The following KIR3DL2 variants were observed in gnomAD, a reference collection of about 807,000 sequenced individuals.
KIR3DL2 encodes killer cell immunoglobulin like receptor, three Ig domains and long cytoplasmic tail 2, also known as killer cell immunoglobulin-like receptor 3DL2.
Under a neutral mutation model 41.6 loss-of-function variants are expected in KIR3DL2, and 42 were observed. The ratio of observed to expected loss-of-function variants is 1.01; its 90% confidence interval spans 0.79 to 1.31. The LOEUF is 1.31. KIR3DL2 is among the 50% of genes most tolerant of loss of function. The probability of loss-of-function intolerance (pLI) is 0.00; values close to 1 mark genes in which losing one functional copy is unlikely to be tolerated. For missense variants in KIR3DL2, 728 were observed against 576.8 expected (o/e 1.26, Z -2.68); for synonymous variants, 230 against 221.3 (o/e 1.04, Z -0.35).
chr19:54,859,268 C>A lies in KIR3DL2; in HGVS notation c.1000+139C>A. 5 of 913,428 alleles carry A rather than the reference C, an allele frequency of 5.5e-6. No individual in the cohort carries two copies. The East Asian group carries it at 1.2e-4, about 22-fold the overall frequency. 56.6% of individuals were successfully genotyped at this position (913,428 alleles called of 1,614,324 possible). A position where few individuals can be genotyped will look rare whatever the true frequency, so the allele number is the denominator to read the frequency against. On this transcript the variant is annotated intron_variant, in intron 6 of 8. Coordinates refer to ENST00000326321, the MANE Select transcript of KIR3DL2 (RefSeq NM_006737.4). The stretch of plus-strand genomic sequence containing the variant: ...CATCTCTGAACTCCAGACACTCCAA[C>A]AGTGAAAGGGATCTAGGGCCACCAA...
At chr19:54,855,373 G>A (rs1302136625) in intron 4 of KIR3DL2, among the ~76,000 whole-genome samples, 3 of 151,668 alleles carry the variant, frequency 2.0e-5, no homozygotes, top group Non-Finnish European at 2.9e-5. Context: ...CCAATCCAAG[G>A]AGAGTCAGAG....
At chr19:54,865,637 T>C (rs1385360457) in intron 6 of KIR3DL2, among the ~76,000 whole-genome samples, 168 bp from the exon 7 acceptor site, 3 of 152,034 alleles carry the variant, frequency 2.0e-5, no homozygotes, top group Non-Finnish European at 4.4e-5. Context: ...TTCTATGGTT[T>C]CTATGAGAGC....
Position 54,865,944 on chromosome 19 carries a change from G to C in KIR3DL2, c.1105+35G>C. The C allele has an allele frequency of 1.9e-6, 3 of 1,572,674 alleles. No homozygotes were observed. The South Asian group carries it at 3.3e-5, about 17-fold the overall frequency. ...ACGAAGCAGAGGCCAGAGAGCTCAG[G>C]GCCATGTGGGGAAGCAGGATGGGAG... is the stretch of plus-strand genomic sequence containing the variant. On this transcript the variant is annotated intron_variant, in intron 7 of 8. Transcript: ENST00000326321.
At chr19:54,850,567 G>C in intron 1 of KIR3DL2, 58 bp downstream of exon 1, 1 of 1,594,228 alleles carries the variant, frequency 6.3e-7, no homozygotes, top group Non-Finnish European at 8.5e-7. Flanking sequence ...TCGGCCTAGA[G>C]GTAAAGATAT....
chr19:54,859,278 G>C lies in KIR3DL2; in HGVS notation c.1000+149G>C, dbSNP rs2065008787. ...CTCCAGACACTCCAACAGTGAAAGG[G>C]ATCTAGGGCCACCAAAGGGCTCAGC... is the stretch of plus-strand genomic sequence containing the variant. On this transcript the variant is annotated intron_variant, in intron 6 of 8. Coordinates refer to ENST00000326321, the MANE Select transcript of KIR3DL2 (RefSeq NM_006737.4). 1.8e-5 allele frequency: 16 copies of C among 868,266 alleles called. No individual in the cohort carries two copies. In the Admixed American group the frequency reaches 3.1e-4, roughly 17 times the overall value. 53.8% of individuals were successfully genotyped at this position (868,266 alleles called of 1,614,324 possible).
intron 5 of KIR3DL2, among the ~76,000 whole-genome samples, chr19:54,858,573 A>G (rs1336777629): frequency 2.6e-5 from 4 of 151,404 alleles, no homozygotes; most frequent in Non-Finnish European, 5.9e-5. Context: ...TACTAAAAAT[A>G]CAAAAATTAG....
chr19:54,866,751 C>T lies in KIR3DL2; in HGVS notation c.*20C>T. The T allele has an allele frequency of 6.2e-7, 1 of 1,611,730 alleles. No individual in the cohort carries two copies. Among genetic ancestry groups the T allele is most frequent in the Non-Finnish European group, 8.5e-7 (1 of 1,178,782 alleles). On this transcript the variant is annotated 3_prime_UTR_variant, in exon 9 of 9. Transcript: ENST00000326321. ...TTCTAGGGAGACAACAGCCCTGTCTCAAAACCAGGTTGCCAGATCCAATGA... is the reference window on the plus strand; with the variant it reads ...TTCTAGGGAGACAACAGCCCTGTCTTAAAACCAGGTTGCCAGATCCAATGA...
chr19:54,866,922 G>C lies in KIR3DL2; in HGVS notation c.*191G>C, dbSNP rs1332732123. 6 of 672,770 alleles carry C rather than the reference G, an allele frequency of 8.9e-6. No individual in the cohort carries two copies. In the East Asian group the frequency reaches 1.4e-4, roughly 16 times the overall value. 41.7% of individuals were successfully genotyped at this position (672,770 alleles called of 1,614,324 possible). The stretch of plus-strand genomic sequence containing the variant: ...CAGAGAAAACACACTCCTTTGCTTA[G>C]CCCACAAGTATCTATTTCACTTGAC... On this transcript the variant is annotated 3_prime_UTR_variant, in exon 9 of 9. Transcript: ENST00000326321.
chr19:54,856,278 C>T (rs1171289970), intron 5 of KIR3DL2, among the ~76,000 whole-genome samples: 4 of 151,716 alleles, frequency 2.6e-5, no homozygotes, highest in Admixed American at 2.6e-4. Flanking sequence ...TCATCACCAG[C>T]AACCCCTACA....
Position 54,865,786 on chromosome 19 carries a change from G to T in KIR3DL2, c.1001-19G>T, listed in dbSNP as rs2065462363. ...AACTGCTATGATTAGCTTCTTATTG[G>T]ATTCCCATCTTCCTCCAGGTATCTG... On this transcript the variant is annotated intron_variant, in intron 6 of 8. Coordinates refer to ENST00000326321, the MANE Select transcript of KIR3DL2 (RefSeq NM_006737.4). 3 of 1,586,084 alleles carry T rather than the reference G, an allele frequency of 1.9e-6. No individual in the cohort carries two copies. The highest frequency in any genetic ancestry group is 1.7e-6 in the Non-Finnish European group (2 of 1,154,740).
chr19:54,855,378 T>C (rs2064660998), intron 4 of KIR3DL2, among the ~76,000 whole-genome samples: 1 of 149,580 alleles, frequency 6.7e-6, no homozygotes, highest in African/African-American at 2.5e-5. Flanking sequence ...CCAAGGAGAG[T>C]CAGAGAGAAT....
chr19:54,850,812 GCCT>G, intron 1 of KIR3DL2, among the ~76,000 whole-genome samples: 1 of 129,930 alleles, frequency 7.7e-6, no homozygotes, highest in East Asian at 2.5e-4. Flanking sequence ...GGAGATATGG[GCCT>G]GGAGTGGAGA....
intron 5 of KIR3DL2, among the ~76,000 whole-genome samples, chr19:54,858,169 T>G (rs1344819643): frequency 6.6e-6 from 1 of 151,174 alleles, no homozygotes; most frequent in African/African-American, 2.5e-5. Flanking sequence ...CCTAATGGTC[T>G]ATTTTTTGCT....
chr19:54,852,374 GC>G, intron 3 of KIR3DL2, 92 bp downstream of exon 3: 2 of 1,524,664 alleles, frequency 1.3e-6, no homozygotes, highest in Non-Finnish European at 1.8e-6. Context: ...CATCACCCAG[GC>G]CCCAACTGTA....
rs376049753 is a variant in KIR3DL2, at chr19:54,859,740, T to C, written c.1000+611T>C. On this transcript the variant is annotated intron_variant, in intron 6 of 8. Coordinates refer to ENST00000326321, the MANE Select transcript of KIR3DL2 (RefSeq NM_006737.4). ...CGGTTATTTAATTATCTTACAGTGC[T>C]GTAGCTCAAAGCATGACGTGCATGT... Among the ~76,000 whole-genome samples, 117 of 152,026 alleles carry C rather than the reference T, an allele frequency of 7.7e-4. 1 individual carries two copies. In the Middle Eastern group the frequency reaches 0.024, roughly 31 times the overall value.
chr19:54,853,165 G>A lies in KIR3DL2; in HGVS notation c.356-582G>A, dbSNP rs200954406. On this transcript the variant is annotated intron_variant, in intron 3 of 8. Transcript: ENST00000326321. The stretch of plus-strand genomic sequence containing the variant: ...CCAAACAAGGAGAAGGTTGGCTACC[G>A]TGGGATCAGCAAGGGTGGGATGCTG... 4.2e-5 allele frequency among the ~76,000 whole-genome samples: 6 copies of A among 142,254 alleles called. 1 individual carries two copies. The highest frequency in any genetic ancestry group is 1.0e-4 in the African/African-American group (4 of 39,572). 93.3% of individuals were successfully genotyped at this position (142,254 alleles called of 152,430 possible). A position where few individuals can be genotyped will look rare whatever the true frequency, so the allele number is the denominator to read the frequency against.
At chr19:54,866,296 G>A in intron 7 of KIR3DL2, 74 bp from the exon 8 acceptor site, 1 of 1,499,718 alleles carries the variant, frequency 6.7e-7, no homozygotes, top group Non-Finnish European at 9.2e-7. Context: ...TCCCCCTGTG[G>A]GTTGGTGTCT....
chr19:54,865,452 C>T lies in KIR3DL2; in HGVS notation c.1001-353C>T, dbSNP rs557016006. Among the ~76,000 whole-genome samples, 332 of 152,174 alleles carry T rather than the reference C, an allele frequency of 2.2e-3. 1 individual carries two copies. Among genetic ancestry groups the T allele is most frequent in the African/African-American group, 7.6e-3 (317 of 41,540 alleles). On this transcript the variant is annotated intron_variant, in intron 6 of 8. Transcript: ENST00000326321. Reference sequence around the variant, plus strand: ...CCTCCGGGAACTAATAGAGGGGGAACTTGCTAACCCCATCATGTGGGGCAG... The same window carrying T: ...CCTCCGGGAACTAATAGAGGGGGAATTTGCTAACCCCATCATGTGGGGCAG...
Position 54,853,960 on chromosome 19 carries a change from C to G in KIR3DL2, c.569C>G (p.Ala190Gly), listed in dbSNP as rs770400225. The G allele has an allele frequency of 1.2e-6, 2 of 1,613,374 alleles. No homozygotes were observed. The highest frequency in any genetic ancestry group is 4.5e-5 in the East Asian group (2 of 44,882). ...FSIGPLMPVL[A>G]GTYRCYGSVP... The stretch of plus-strand genomic sequence containing the variant: ...ATCGGTCCCTTGATGCCTGTCCTTG[C>G]AGGAACCTACAGATGTTATGGTTCT... The change falls in exon 4 of 9, where the codon GCA (alanine) becomes GGA (glycine). Residue 190 changes from alanine to glycine, a missense_variant. Physicochemically the swap from Ala to Gly is moderately conservative, Grantham distance 60. Transcript: ENST00000326321.
Sources: gnomAD v4.1 joint callset for allele counts (sites outside exome capture counted in the v4.1 genomes callset) on GRCh38, gnomAD v4.1.1 for gene constraint, MANE v1.5 for transcripts, NCBI Gene and HGNC (gene_info 2026-07-23, HGNC 2026-07-21) for gene names.